FARS2: variants seen among roughly 807,000 people sequenced by gnomAD.
The protein encoded by FARS2 is phenylalanyl-tRNA synthetase 2, mitochondrial.
A neutral mutation model predicts 46.4 loss-of-function variants in FARS2; 40 were observed. The observed-to-expected ratio is 0.86, with a 90% CI of 0.67 to 1.12. FARS2 has a LOEUF of 1.12. Ranked by LOEUF, FARS2 falls within the 50% of genes most tolerant of loss-of-function variation. The pLI is 0.00. For missense variants in FARS2, 513 were observed against 567.9 expected (o/e 0.90, Z 0.98); for synonymous variants, 234 against 214.9 (o/e 1.09, Z -0.78).
At chr6:5,436,868 T>C (rs901015630) in intron 4 of FARS2, among the ~76,000 whole-genome samples, 1 of 152,250 alleles carries the variant, frequency 6.6e-6, no homozygotes, top group Non-Finnish European at 1.5e-5. Flanking sequence ...TTGAAAACCC[T>C]ATCTATAGCA....
At position 5,448,426 on chromosome 6, in the gene FARS2, T is replaced by C. The variant is rs187812970; in HGVS notation, c.904+17254T>C. 2.0e-4 allele frequency among the ~76,000 whole-genome samples: 31 copies of C among 152,026 alleles called. No individual in the cohort carries two copies. In the East Asian group the frequency reaches 4.3e-3, roughly 21 times the overall value. ...TTTTAATGCAAATACAAATATGTAT[T>C]CTTTTTCTTTCTTCTTAAAAACCAA... On this transcript the variant is annotated intron_variant, in intron 4 of 6. Coordinates refer to ENST00000274680, the MANE Select transcript of FARS2 (RefSeq NM_006567.5).
chr6:5,691,293 C>T (rs1168971854), intron 6 of FARS2, among the ~76,000 whole-genome samples: 1 of 152,168 alleles, frequency 6.6e-6, no homozygotes, highest in East Asian at 1.9e-4. Context: ...AGTTTTGCTG[C>T]TCTGTTTTTT....
chr6:5,545,404 CA>C lies in FARS2; in HGVS notation c.1065+65del, dbSNP rs1374541202. ...AATGGCTGTCAAGGATCGACAGGAT[CA>C]TGTACTTGAAAGCCACTGAATTTTA... On this transcript the variant is annotated intron_variant, in intron 5 of 6. Coordinates refer to ENST00000274680, the MANE Select transcript of FARS2 (RefSeq NM_006567.5). 8.1e-6 allele frequency: 10 copies of C among 1,235,172 alleles called. No homozygotes were observed. In the Admixed American group the frequency reaches 2.0e-4, roughly 24 times the overall value. The allele number at this position is 1,235,172 out of a possible 1,614,324, so 76.5% of individuals were successfully genotyped here.
chr6:5,510,645 T>C (rs564667123), intron 4 of FARS2, among the ~76,000 whole-genome samples: 14 of 152,190 alleles, frequency 9.2e-5, no homozygotes, highest in Non-Finnish European at 1.9e-4. Flanking sequence ...GCTAGAGAGC[T>C]AGCACACTCA....
At chr6:5,321,269 C>A (rs758372769) in intron 1 of FARS2, among the ~76,000 whole-genome samples, 3 of 152,170 alleles carry the variant, frequency 2.0e-5, no homozygotes, top group Admixed American at 6.5e-5. Context: ...GATGCTTAGA[C>A]TTCTAAAATC....
chr6:5,662,944 A>G (rs910351674), intron 6 of FARS2, among the ~76,000 whole-genome samples: 2 of 152,246 alleles, frequency 1.3e-5, no homozygotes, highest in African/African-American at 4.8e-5. Context: ...ACAATGCCTG[A>G]TGCATAGTAA....
At position 5,765,272 on chromosome 6, in the gene FARS2, A is replaced by G. The variant is rs531311737; in HGVS notation, c.1218-6019A>G. 2.0e-5 allele frequency among the ~76,000 whole-genome samples: 3 copies of G among 152,242 alleles called. No individual in the cohort carries two copies. In the East Asian group the frequency reaches 5.8e-4, roughly 29 times the overall value. On this transcript the variant is annotated intron_variant, in intron 6 of 6. Transcript: ENST00000274680. The surrounding 1 kb of genome is among the most constrained non-coding windows in gnomAD (Gnocchi z 4.0). ...GTACAGGATGGTAAAGTTAGGTGGC[A>G]TTCACACTGGAGCAGGGACCAGGAT...
chr6:5,430,675 C>G (rs113095388), intron 3 of FARS2, among the ~76,000 whole-genome samples: 2 of 151,988 alleles, frequency 1.3e-5, no homozygotes, highest in African/African-American at 4.8e-5. Flanking sequence ...TAAAAATATA[C>G]TCTCTTTAAC....
At chr6:5,601,205 C>T (rs974274308) in intron 5 of FARS2, among the ~76,000 whole-genome samples, 15 of 152,052 alleles carry the variant, frequency 9.9e-5, no homozygotes, top group African/African-American at 3.6e-4. Context: ...GCCCAAGCTA[C>T]ATCAGAGCCC....
rs1396656950 is a variant in FARS2 at position 5,311,789 on chromosome 6, A to C, written c.-22+50129A>C. On this transcript the variant is annotated intron_variant, in intron 1 of 6. Coordinates refer to ENST00000274680, the MANE Select transcript of FARS2 (RefSeq NM_006567.5). This position sits in a 1 kb window ranked among gnomAD's most constrained non-coding sequence, Gnocchi z 4.1. ...TGTACTTGTTGGGAAGAAGCAGCTCATGTTTGGATCTAGCTGTCAAAAATG... is the reference window on the plus strand; with the variant it reads ...TGTACTTGTTGGGAAGAAGCAGCTCCTGTTTGGATCTAGCTGTCAAAAATG... 6.6e-6 allele frequency among the ~76,000 whole-genome samples: 1 copy of C among 152,092 alleles called. No homozygotes were observed. The highest frequency in any genetic ancestry group is 1.5e-5 in the Non-Finnish European group (1 of 68,020).
intron 1 of FARS2, among the ~76,000 whole-genome samples, chr6:5,284,849 C>T (rs1766996629): frequency 6.6e-6 from 1 of 152,180 alleles, no homozygotes; most frequent in African/African-American, 2.4e-5. Flanking sequence ...CCTCCGTGGC[C>T]TTTCGACTCC....
chr6:5,684,449 C>T (rs1438757028), intron 6 of FARS2, among the ~76,000 whole-genome samples: 2 of 152,198 alleles, frequency 1.3e-5, no homozygotes, highest in African/African-American at 4.8e-5. Flanking sequence ...GCATGTCATT[C>T]TCTGAGGATT....
chr6:5,357,171 T>G (rs1220841600), intron 1 of FARS2, among the ~76,000 whole-genome samples: 1 of 152,230 alleles, frequency 6.6e-6, no homozygotes, highest in African/African-American at 2.4e-5. Flanking sequence ...AGTGCTGTGC[T>G]TTAGTTTTTC....
intron 4 of FARS2, among the ~76,000 whole-genome samples, chr6:5,440,715 G>A (rs1225873066): frequency 2.0e-5 from 3 of 152,128 alleles, no homozygotes; most frequent in South Asian, 2.1e-4. Context: ...TGGAGGGGGG[G>A]TGTCTCACTG....
chr6:5,549,425 T>C (rs947747331), intron 5 of FARS2, among the ~76,000 whole-genome samples: 1 of 152,176 alleles, frequency 6.6e-6, no homozygotes, highest in Middle Eastern at 3.2e-3. Context: ...AGTGAGAACA[T>C]GCGGTATTTG....
chr6:5,500,396 T>C (rs969781385), intron 4 of FARS2, among the ~76,000 whole-genome samples: 4 of 152,214 alleles, frequency 2.6e-5, no homozygotes, highest in African/African-American at 4.8e-5. Flanking sequence ...CGAAGCAGAA[T>C]GGAGACCAAA....
chr6:5,422,992 A>G (rs1001810856), intron 3 of FARS2, among the ~76,000 whole-genome samples: 5 of 152,182 alleles, frequency 3.3e-5, no homozygotes, highest in Non-Finnish European at 7.3e-5. Context: ...TGCGAGGTTA[A>G]GTAACTGGCC....
At chr6:5,749,910 G>C (rs1174448825) in intron 6 of FARS2, among the ~76,000 whole-genome samples, 1 of 152,206 alleles carries the variant, frequency 6.6e-6, no homozygotes, top group East Asian at 1.9e-4. Context: ...AGCTGGCCGA[G>C]CGGAGTGGCC....
chr6:5,610,270 C>CGAATCGTATCTTCATGGGTCCAATACA, intron 5 of FARS2: 1 of 428,244 alleles, frequency 2.3e-6, no homozygotes, highest in Non-Finnish European at 4.2e-6. Context: ...AGCAAGCTGA[C>CGAATCGTATCTTCATGGGTCCAATACA]GAATCGTATC....
Sources: allele counts gnomAD v4.1 joint callset (sites outside exome capture counted in the v4.1 genomes callset), GRCh38; gene constraint gnomAD v4.1.1; non-coding constraint Gnocchi (gnomAD v3.1); transcripts MANE v1.5; gene names NCBI Gene and HGNC (gene_info 2026-07-23, HGNC 2026-07-21).